Variants in SPMIP3 observed in about 807,000 individuals in gnomAD.
SPMIP3 encodes sperm microtubule inner protein 3, also known as protein SPMIP3.
the SPMIP3 span, among the ~76,000 whole-genome samples, chr1:244,357,224 G>GGGC: frequency 0.015 from 1,218 of 79,392 alleles, 6 homozygotes; most frequent in Non-Finnish European, 0.028. Context: ...ACCCACCATG[G>GGGC]AGATTGAAAC....
the SPMIP3 span, among the ~76,000 whole-genome samples, chr1:244,371,857 T>C: frequency 5.3e-5 from 8 of 152,232 alleles, no homozygotes; most frequent in African/African-American, 1.4e-4. Context: ...TTGTTCCCTT[T>C]ATTGTGCCAG....
the SPMIP3 span, among the ~76,000 whole-genome samples, chr1:244,370,440 G>A: frequency 2.0e-5 from 3 of 152,270 alleles, no homozygotes; most frequent in Admixed American, 1.3e-4. Flanking sequence ...ATCAGGCGTA[G>A]CACTCACCAC....
chr1:244,384,910 TTG>T, the SPMIP3 span, among the ~76,000 whole-genome samples: 1 of 152,150 alleles, frequency 6.6e-6, no homozygotes, highest in African/African-American at 2.4e-5. Context: ...CAGTTTTTGT[TTG>T]TTTGTTTGAG....
the SPMIP3 span, among the ~76,000 whole-genome samples, chr1:244,364,922 C>A: frequency 6.6e-6 from 1 of 152,178 alleles, no homozygotes; most frequent in Admixed American, 6.5e-5. Flanking sequence ...TGCAAACCTA[C>A]CGGCAAAAGT....
At chr1:244,389,176 T>C in the SPMIP3 span, 2 of 790,798 alleles carry the variant, frequency 2.5e-6, no homozygotes, top group African/African-American at 1.7e-5. Context: ...CAGATGGCTA[T>C]AATCCTAAAA....
At chr1:244,385,064 G>A in the SPMIP3 span, among the ~76,000 whole-genome samples, 1 of 152,130 alleles carries the variant, frequency 6.6e-6, no homozygotes, top group South Asian at 2.1e-4. Context: ...ACCACGCCTG[G>A]CTAATTTTTG....
chr1:244,366,227 T>C, the SPMIP3 span, among the ~76,000 whole-genome samples: 2 of 152,138 alleles, frequency 1.3e-5, no homozygotes, highest in Admixed American at 6.6e-5. Context: ...CAGGCTGGAG[T>C]GAAGTGGCTG....
chr1:244,366,773 G>A, the SPMIP3 span, among the ~76,000 whole-genome samples: 4 of 152,082 alleles, frequency 2.6e-5, no homozygotes, highest in Non-Finnish European at 5.9e-5. Context: ...CCAGCTACTC[G>A]GGAAGCTGAG....
the SPMIP3 span, among the ~76,000 whole-genome samples, chr1:244,383,675 C>T: frequency 1.3e-5 from 2 of 152,100 alleles, no homozygotes; most frequent in African/African-American, 4.8e-5. Flanking sequence ...AGTGGGGAAA[C>T]AGGTTCATAG....
the SPMIP3 span, among the ~76,000 whole-genome samples, chr1:244,358,445 C>T: frequency 2.0e-5 from 3 of 151,550 alleles, no homozygotes; most frequent in African/African-American, 4.9e-5. Flanking sequence ...ACTAGCTAGG[C>T]GTGGTGGCGC....
At chr1:244,369,796 G>T in the SPMIP3 span, among the ~76,000 whole-genome samples, 2 of 152,200 alleles carry the variant, frequency 1.3e-5, no homozygotes, top group South Asian at 2.1e-4. Flanking sequence ...TGCATGGCAC[G>T]TGAAGAAGCT....
At chr1:244,357,462 C>T in the SPMIP3 span, among the ~76,000 whole-genome samples, 1 of 151,972 alleles carries the variant, frequency 6.6e-6, no homozygotes, top group African/African-American at 2.4e-5. Context: ...GTAATCCCAG[C>T]ACTTTGGGGG....
chr1:244,376,831 A>G, the SPMIP3 span, among the ~76,000 whole-genome samples: 1 of 149,386 alleles, frequency 6.7e-6, no homozygotes, highest in African/African-American at 2.5e-5. Flanking sequence ...TTTTTTTTAG[A>G]TGGAGTCTCG....
At chr1:244,360,115 A>G in the SPMIP3 span, among the ~76,000 whole-genome samples, 3 of 152,178 alleles carry the variant, frequency 2.0e-5, no homozygotes, top group Non-Finnish European at 4.4e-5. Context: ...CTAAAAAAAA[A>G]AAGTTCAACA....
At chr1:244,373,466 C>G in the SPMIP3 span, among the ~76,000 whole-genome samples, 1 of 149,918 alleles carries the variant, frequency 6.7e-6, no homozygotes, top group South Asian at 2.1e-4. Context: ...TCACACTGCA[C>G]TATAGCCTGG....
chr1:244,360,547 CACACACACACATGCAT>C, the SPMIP3 span, among the ~76,000 whole-genome samples: 1,660 of 63,066 alleles, frequency 0.026, 56 homozygotes, highest in African/African-American at 0.078. Flanking sequence ...CACACACACA[CACACACACACATGCAT>C]GCATGGAATA....
chr1:244,373,879 C>T, the SPMIP3 span, among the ~76,000 whole-genome samples: 1 of 151,988 alleles, frequency 6.6e-6, no homozygotes, highest in East Asian at 1.9e-4. Context: ...TTTGGGAGGC[C>T]AAGGTGGGCG....
chr1:244,362,359 GGGTTCCAGCCCT>G, the SPMIP3 span, among the ~76,000 whole-genome samples: 1 of 152,144 alleles, frequency 6.6e-6, no homozygotes, highest in African/African-American at 2.4e-5. Context: ...TGCAGCCAGA[GGGTTCCAGCCCT>G]GGTTCCTTGG....
the SPMIP3 span, chr1:244,375,362 TC>T: frequency 6.2e-7 from 1 of 1,607,452 alleles, no homozygotes; most frequent in Non-Finnish European, 8.5e-7. Flanking sequence ...CTCCTCACTT[TC>T]TGCTCTAGTA....
Sources: gnomAD v4.1 joint callset for allele counts (sites outside exome capture counted in the v4.1 genomes callset) on GRCh38, gnomAD v4.1.1 for gene constraint, MANE v1.5 for transcripts, NCBI Gene and HGNC (gene_info 2026-07-23, HGNC 2026-07-21) for gene names.